Variants in TBC1D19 observed in about 807,000 individuals in gnomAD.
The protein encoded by TBC1D19 is TBC1 domain family member 19.
TBC1D19 carries 60 observed loss-of-function variants against 89.0 expected under a neutral mutation model. That is an observed-to-expected ratio of 0.67 (90% CI 0.55 to 0.84). The LOEUF is 0.84. Ranked by LOEUF, TBC1D19 falls within the 40% of genes least tolerant of loss-of-function variation. TBC1D19 has a pLI of 0.00. For synonymous variants in TBC1D19, 189 were observed against 199.7 expected, an observed-to-expected ratio of 0.95 and a Z score of 0.45; for missense variants, 500 against 610.8, an observed-to-expected ratio of 0.82 and a Z score of 1.91.
rs114039170 is a variant in TBC1D19 at position 26,639,862 on chromosome 4, A to G, written c.434-279A>G. Among the ~76,000 whole-genome samples, 1,214 of 152,290 alleles carry G rather than the reference A, an allele frequency of 8.0e-3. 17 individuals carry two copies. Among genetic ancestry groups the G allele is most frequent in the African/African-American group, 0.028 (1,144 of 41,558 alleles). On this transcript the variant is annotated intron_variant, in intron 6 of 20. Coordinates refer to ENST00000264866, the MANE Select transcript of TBC1D19 (RefSeq NM_018317.4). Reference sequence around the variant, plus strand: ...TTGAGAATTCTCATATAGTACCTTTATGTTACATTGACATTGTTTGGCCAA... The same window carrying G: ...TTGAGAATTCTCATATAGTACCTTTGTGTTACATTGACATTGTTTGGCCAA...
At chr4:26,694,742 C>T (rs745636367) in intron 13 of TBC1D19, among the ~76,000 whole-genome samples, 1 of 152,156 alleles carries the variant, frequency 6.6e-6, no homozygotes, top group Non-Finnish European at 1.5e-5. Flanking sequence ...CAGCTATATT[C>T]GCTGTTCTGC....
At chr4:26,747,695 C>T (rs1185614972) in intron 18 of TBC1D19, among the ~76,000 whole-genome samples, 2 of 152,166 alleles carry the variant, frequency 1.3e-5, no homozygotes, top group Non-Finnish European at 2.9e-5. Context: ...CCTTAAGGCA[C>T]CAGAGCCAAA....
At chr4:26,685,324 A>G (rs888064291) in intron 12 of TBC1D19, among the ~76,000 whole-genome samples, 1 of 152,172 alleles carries the variant, frequency 6.6e-6, no homozygotes, top group African/African-American at 2.4e-5. Flanking sequence ...AAGCAACTGT[A>G]AAGTCTCATG....
intron 15 of TBC1D19, among the ~76,000 whole-genome samples, chr4:26,731,189 G>A (rs532130549): frequency 1.8e-3 from 280 of 152,290 alleles, no homozygotes; most frequent in African/African-American, 6.4e-3. Context: ...AATTGCTTAG[G>A]GGGAGGGATC....
At chr4:26,730,831 G>A (rs768874447) in intron 15 of TBC1D19, among the ~76,000 whole-genome samples, 41 of 152,202 alleles carry the variant, frequency 2.7e-4, no homozygotes, top group Non-Finnish European at 4.1e-4. Context: ...AGGTATATCA[G>A]GAGGTGTATA....
the TBC1D19 span, among the ~76,000 whole-genome samples, chr4:26,762,913 C>G: frequency 6.6e-6 from 1 of 152,142 alleles, no homozygotes. Flanking sequence ...GAATGCATCC[C>G]TACCGACACC....
At chr4:26,654,104 A>G (rs984569861) in intron 7 of TBC1D19, among the ~76,000 whole-genome samples, 2 of 152,154 alleles carry the variant, frequency 1.3e-5, no homozygotes, top group African/African-American at 4.8e-5. Context: ...GCTTGTATGT[A>G]AAGGATTTTA....
At chr4:26,652,289 T>C (rs1744448717) in intron 7 of TBC1D19, among the ~76,000 whole-genome samples, 1 of 152,220 alleles carries the variant, frequency 6.6e-6, no homozygotes, top group Admixed American at 6.5e-5. Flanking sequence ...GAAAGAATGG[T>C]ACCAGCTCCT....
chr4:26,587,142 T>G (rs1455627546), intron 1 of TBC1D19, among the ~76,000 whole-genome samples: 2 of 152,248 alleles, frequency 1.3e-5, no homozygotes, highest in African/African-American at 4.8e-5. Context: ...TGATGAATAA[T>G]ACTGATTGGC....
chr4:26,772,458 CT>C, the TBC1D19 span, among the ~76,000 whole-genome samples: 3 of 151,922 alleles, frequency 2.0e-5, no homozygotes, highest in East Asian at 1.9e-4. Context: ...GGGGAGCCAT[CT>C]TTTTTTTCCT....
the TBC1D19 span, among the ~76,000 whole-genome samples, chr4:26,785,426 T>C: frequency 1.1e-4 from 17 of 152,174 alleles, no homozygotes; most frequent in African/African-American, 3.9e-4. Context: ...AGTCCAACAA[T>C]GTACATAGAA....
chr4:26,669,420 AG>A (rs1358625627), intron 9 of TBC1D19, among the ~76,000 whole-genome samples: 1 of 151,750 alleles, frequency 6.6e-6, no homozygotes, highest in Non-Finnish European at 1.5e-5. Flanking sequence ...TTTTAACAGA[AG>A]TTTTTTTCCT....
intron 1 of TBC1D19, among the ~76,000 whole-genome samples, chr4:26,607,028 A>G (rs1741057215): frequency 6.6e-6 from 1 of 152,150 alleles, no homozygotes; most frequent in Non-Finnish European, 1.5e-5. Context: ...GAATTGAAAG[A>G]AACTGGATTT....
Position 26,584,257 on chromosome 4 carries a change from T to A in TBC1D19, c.64T>A (p.Ser22Thr). 1 of 1,612,724 alleles carries A rather than the reference T, an allele frequency of 6.2e-7. No homozygotes were observed. The change falls in exon 1 of 21, where the codon TCC becomes ACC. Residue 22 changes from serine (S) to threonine (T), a missense_variant. Physicochemically the swap from Ser to Thr is moderately conservative, Grantham distance 58. This residue lies in a region of TBC1D19 where 280 missense variants were observed against 291.7 expected (regional missense o/e 0.96). Transcript: ENST00000264866. ...IAQIVQKLKG[S>T]NLYSQLERQA... ...CCAGATAGTCCAAAAGCTCAAGGGC[T>A]CCAATTTGTACTCTCAGCTGGAACG...
chr4:26,583,206 G>C (rs370447674), upstream of TBC1D19, among the ~76,000 whole-genome samples: 15 of 152,104 alleles, frequency 9.9e-5, no homozygotes, highest in South Asian at 1.0e-3. Context: ...CCTTTTTTGG[G>C]GGGGGAAGGG....
chr4:26,641,086 C>T (rs1350960840), intron 7 of TBC1D19, among the ~76,000 whole-genome samples: 2 of 152,352 alleles, frequency 1.3e-5, no homozygotes, highest in Admixed American at 1.3e-4. Flanking sequence ...TGAGAACAGA[C>T]AGACTGCCTC....
exon 1 of TBC1D19, chr4:26,576,711 A>T (rs1738982209): frequency 2.2e-6 from 1 of 456,020 alleles, no homozygotes; most frequent in Non-Finnish European, 4.4e-6. Context: ...GAAGAACAAC[A>T]CAGCAGGGCA....
chr4:26,805,191 T>A, the TBC1D19 span, among the ~76,000 whole-genome samples: 1 of 152,200 alleles, frequency 6.6e-6, no homozygotes, highest in Non-Finnish European at 1.5e-5. Context: ...AAAAAGTCCA[T>A]AAAGGAAGTG....
At chr4:26,845,121 G>A in the TBC1D19 span, among the ~76,000 whole-genome samples, 2 of 152,168 alleles carry the variant, frequency 1.3e-5, no homozygotes, top group African/African-American at 2.4e-5. Flanking sequence ...CAGGAAGGTG[G>A]TGGAGATGAG....
Sources: allele counts gnomAD v4.1 joint callset (sites outside exome capture counted in the v4.1 genomes callset), GRCh38; gene constraint gnomAD v4.1.1; regional missense constraint gnomAD v4.1.1; transcripts MANE v1.5; gene names NCBI Gene and HGNC (gene_info 2026-07-23, HGNC 2026-07-21).